Variants in INO80D observed in about 807,000 individuals in gnomAD.
The protein encoded by INO80D is INO80 complex subunit D.
Under a neutral mutation model 87.6 loss-of-function variants are expected in INO80D, and 21 were observed. That is an observed-to-expected ratio of 0.24 (90% CI 0.17 to 0.35). The LOEUF (loss-of-function observed/expected upper bound fraction) is 0.35, where lower values mean the gene tolerates loss of function less well. Ranked by LOEUF, INO80D falls within the 10% of genes least tolerant of loss-of-function variation. The pLI is 1.00. For synonymous variants in INO80D, 440 were observed against 491.0 expected (o/e 0.90, Z 1.37); for missense variants, 982 against 1,280.7 (o/e 0.77, Z 3.56).
intron 5 of INO80D, chr2:206,040,659 T>C (rs553332552): frequency 1.3e-3 from 291 of 229,746 alleles, no homozygotes; most frequent in South Asian, 2.3e-3. Context: ...TGAAGGTTTA[T>C]AACTACAATC....
chr2:206,014,432 C>T (rs1688264458), intron 8 of INO80D, among the ~76,000 whole-genome samples: 1 of 152,104 alleles, frequency 6.6e-6, no homozygotes, highest in Non-Finnish European at 1.5e-5. Context: ...GATGACTGAA[C>T]TATGGGGGCA....
At chr2:206,023,489 C>T (rs1184205393) in intron 6 of INO80D, among the ~76,000 whole-genome samples, 1 of 151,852 alleles carries the variant, frequency 6.6e-6, no homozygotes, top group Admixed American at 6.6e-5. Flanking sequence ...CATGACCAGC[C>T]TAGCCAACAT....
At chr2:206,076,869 C>T (rs894563201) in intron 1 of INO80D, among the ~76,000 whole-genome samples, 1 of 152,176 alleles carries the variant, frequency 6.6e-6, no homozygotes, top group Non-Finnish European at 1.5e-5. Flanking sequence ...TCAGTCTTCT[C>T]ATCTGTAAAG....
chr2:206,047,419 A>T (rs1340528928), intron 4 of INO80D, among the ~76,000 whole-genome samples: 1 of 151,596 alleles, frequency 6.6e-6, no homozygotes, highest in African/African-American at 2.4e-5. Flanking sequence ...GGGTTTCGCC[A>T]TGTTGGCCAG....
chr2:206,042,687 A>T (rs1410817934), intron 5 of INO80D, among the ~76,000 whole-genome samples: 1 of 151,146 alleles, frequency 6.6e-6, no homozygotes, highest in Non-Finnish European at 1.5e-5. Flanking sequence ...TCTCAAAAAA[A>T]AAAAAAAGCC....
rs192346368 is a variant in INO80D at position 206,036,722 on chromosome 2, T to C, written c.1074-8387A>G. ...AATAACCTATGGAAAACTGAAAAAA[T>C]AAAAAAGATGCTATTACTGCAGAAT... On this transcript the variant is annotated intron_variant, in intron 5 of 10. Transcript: ENST00000403263. Among the ~76,000 whole-genome samples, 371 of 152,022 alleles carry C rather than the reference T, an allele frequency of 2.4e-3. 3 individuals carry two copies. Among genetic ancestry groups the C allele is most frequent in the African/African-American group, 8.6e-3 (357 of 41,458 alleles).
intron 1 of INO80D, among the ~76,000 whole-genome samples, chr2:206,066,292 G>A (rs1371539119): frequency 6.6e-6 from 1 of 151,734 alleles, no homozygotes; most frequent in Non-Finnish European, 1.5e-5. Flanking sequence ...CAGTATGAAG[G>A]TTCCTCAAAG....
At position 206,007,374 on chromosome 2, in the gene INO80D, T is replaced by A; in HGVS notation, c.1828A>T (p.Ile610Phe). ...PDDIANEITDIPHDLELNQED... is the reference protein window; with the variant it reads ...PDDIANEITDFPHDLELNQED... The stretch of plus-strand genomic sequence containing the variant: ...TGGTTCAATTCCAAGTCATGTGGAA[T>A]GTCAGTGATCTCATTGGCAATGTCA... The change falls in exon 10 of 11, where the codon ATT (isoleucine) becomes TTT (phenylalanine). Residue 610 changes from isoleucine (I) to phenylalanine (F), a missense_variant. Transcript: ENST00000403263. The A allele has an allele frequency of 6.2e-7, 1 of 1,613,868 alleles. No homozygotes were observed. Among genetic ancestry groups the A allele is most frequent in the Non-Finnish European group, 8.5e-7 (1 of 1,179,848 alleles).
chr2:206,076,661 A>C (rs1481250922), intron 1 of INO80D, among the ~76,000 whole-genome samples: 1 of 152,242 alleles, frequency 6.6e-6, no homozygotes, highest in Non-Finnish European at 1.5e-5. Flanking sequence ...TACTGTACTC[A>C]GACAGCACTG....
At chr2:206,055,037 C>T (rs1045347741) in intron 4 of INO80D, among the ~76,000 whole-genome samples, 1 of 152,198 alleles carries the variant, frequency 6.6e-6, no homozygotes, top group Non-Finnish European at 1.5e-5. Context: ...CAATGGATAT[C>T]ATTTTTCACA....
chr2:206,068,813 C>T (rs1272029250), intron 1 of INO80D, among the ~76,000 whole-genome samples: 1 of 152,100 alleles, frequency 6.6e-6, no homozygotes, highest in Admixed American at 6.5e-5. Context: ...AATCCTCCCA[C>T]CTCAGCCTCC....
At chr2:206,039,391 A>G (rs1222384950) in intron 5 of INO80D, among the ~76,000 whole-genome samples, 1 of 151,546 alleles carries the variant, frequency 6.6e-6, no homozygotes, top group Non-Finnish European at 1.5e-5. Flanking sequence ...AAGCAAAACG[A>G]AAGTCCATCT....
chr2:206,054,821 GT>G (rs1245390015), intron 4 of INO80D, among the ~76,000 whole-genome samples: 2 of 151,920 alleles, frequency 1.3e-5, no homozygotes, highest in Non-Finnish European at 1.5e-5. Context: ...GCCTATTTTT[GT>G]TTTTTTAGAG....
chr2:206,063,301 C>T (rs1689734338), intron 1 of INO80D, 57 bp from the exon 2 acceptor site: 1 of 517,728 alleles, frequency 1.9e-6, no homozygotes, highest in South Asian at 3.0e-5. Context: ...GCTAGCTCAC[C>T]CAGGAAGCAA....
At chr2:206,018,269 C>T (rs770087809) in intron 7 of INO80D, among the ~76,000 whole-genome samples, 35 of 152,168 alleles carry the variant, frequency 2.3e-4, no homozygotes, top group African/African-American at 7.2e-5. Context: ...CTCAGCCTCC[C>T]GAGTAACTGG....
chr2:206,027,158 A>G (rs759106537), intron 6 of INO80D, among the ~76,000 whole-genome samples: 25 of 47,110 alleles, frequency 5.3e-4, no homozygotes, highest in East Asian at 4.6e-3. Context: ...GCGCACGCGC[A>G]CACACACACA....
chr2:206,025,540 A>ATATAT (rs1553616172), intron 6 of INO80D: 8 of 63,286 alleles, frequency 1.3e-4, no homozygotes, highest in Admixed American at 4.4e-4. Context: ...AAAAAAAAAA[A>ATATAT]AAATATATAT....
chr2:206,046,652 A>T, intron 4 of INO80D, 40 bp from the exon 5 acceptor site: 1 of 1,323,498 alleles, frequency 7.6e-7, no homozygotes, highest in Non-Finnish European at 1.1e-6. Context: ...GAAAAAGTTT[A>T]CTTTTATTCA....
At chr2:206,076,267 A>G (rs917081860) in intron 1 of INO80D, among the ~76,000 whole-genome samples, 1 of 152,228 alleles carries the variant, frequency 6.6e-6, no homozygotes, top group African/African-American at 2.4e-5. Context: ...TACTTAATGC[A>G]AATGAAAAGA....
Sources: gnomAD v4.1 joint callset for allele counts (sites outside exome capture counted in the v4.1 genomes callset) on GRCh38, gnomAD v4.1.1 for gene constraint, MANE v1.5 for transcripts, NCBI Gene and HGNC (gene_info 2026-07-23, HGNC 2026-07-21) for gene names.